PRKCE: variants seen among roughly 807,000 people sequenced by gnomAD.
PRKCE encodes the protein protein kinase C epsilon type.
In PRKCE, 16 loss-of-function variants were observed where a neutral mutation model predicts 85.4. That is an observed-to-expected ratio of 0.19 (90% CI 0.13 to 0.28). The LOEUF (loss-of-function observed/expected upper bound fraction) is 0.28, where lower values mean the gene tolerates loss of function less well. Among genes scored for constraint, PRKCE ranks in the 10% least tolerant of loss-of-function variants. PRKCE has a pLI of 1.00. For missense variants in PRKCE, 573 were observed against 975.2 expected, an observed-to-expected ratio of 0.59 and a Z score of 5.49; for synonymous variants, 388 against 371.5, an observed-to-expected ratio of 1.04 and a Z score of -0.51.
chr2:45,985,024 C>G (rs1703197973), intron 6 of PRKCE, among the ~76,000 whole-genome samples: 1 of 152,066 alleles, frequency 6.6e-6, no homozygotes, highest in Non-Finnish European at 1.5e-5. Context: ...GGAGTTAGGC[C>G]ATGAAGGAAG....
At chr2:46,067,860 A>G (rs1375584922) in intron 10 of PRKCE, among the ~76,000 whole-genome samples, 1 of 152,204 alleles carries the variant, frequency 6.6e-6, no homozygotes, top group Admixed American at 6.5e-5. Flanking sequence ...GTAGGGGTAC[A>G]GTAAAAGTCA....
chr2:45,917,752 C>T (rs956146148), intron 2 of PRKCE, among the ~76,000 whole-genome samples: 2 of 152,294 alleles, frequency 1.3e-5, no homozygotes, highest in Non-Finnish European at 2.9e-5. Context: ...TCCGGCCGCA[C>T]GGGAGCTCAC....
chr2:45,808,100 C>G (rs1688382215), intron 1 of PRKCE, among the ~76,000 whole-genome samples: 1 of 152,120 alleles, frequency 6.6e-6, no homozygotes, highest in African/African-American at 2.4e-5. Context: ...CTCTGACCAT[C>G]TGTAACCCTC....
At chr2:46,056,461 G>A (rs1338356219) in intron 10 of PRKCE, among the ~76,000 whole-genome samples, 2 of 152,088 alleles carry the variant, frequency 1.3e-5, no homozygotes, top group East Asian at 3.8e-4. Flanking sequence ...AGCTGTTCCT[G>A]TCCTATATGT....
At chr2:45,743,905 C>T (rs1682795251) in intron 1 of PRKCE, among the ~76,000 whole-genome samples, 1 of 152,058 alleles carries the variant, frequency 6.6e-6, no homozygotes, top group Non-Finnish European at 1.5e-5. Context: ...ACCTCATCCC[C>T]AGGCCTGGTG....
At chr2:45,734,230 T>C (rs1388881407) in intron 1 of PRKCE, among the ~76,000 whole-genome samples, 1 of 152,148 alleles carries the variant, frequency 6.6e-6, no homozygotes, top group Non-Finnish European at 1.5e-5. Context: ...CTGGGCGTTG[T>C]GGCGTGCACC....
rs368047462 is a variant in PRKCE at position 46,126,699 on chromosome 2, C to G, written c.1593-18394C>G. On this transcript the variant is annotated intron_variant, in intron 11 of 14. Transcript: ENST00000306156. Reference sequence around the variant, plus strand: ...TTGTGTCTCCCCATAGGACCTAACACAGAACCGGGTCTATGGTAAGGGATT... The same window carrying G: ...TTGTGTCTCCCCATAGGACCTAACAGAGAACCGGGTCTATGGTAAGGGATT... 2.1e-3 allele frequency among the ~76,000 whole-genome samples: 313 copies of G among 152,324 alleles called. 1 individual carries two copies. The highest frequency in any genetic ancestry group is 7.0e-3 in the African/African-American group (292 of 41,574).
chr2:45,928,716 A>G (rs931750330), intron 2 of PRKCE, among the ~76,000 whole-genome samples: 2 of 152,232 alleles, frequency 1.3e-5, no homozygotes, highest in Admixed American at 6.5e-5. Flanking sequence ...TGAGGCTGGG[A>G]CAAGCCTTCC....
intron 1 of PRKCE, among the ~76,000 whole-genome samples, chr2:45,824,406 G>C (rs1162303128): frequency 1.3e-5 from 2 of 152,192 alleles, no homozygotes; most frequent in African/African-American, 4.8e-5. Flanking sequence ...AGGAGGACCA[G>C]GGAAGCAGCT....
Position 45,947,314 on chromosome 2 carries a change from G to C in PRKCE, c.413-29115G>C, listed in dbSNP as rs140575483. ...TAGTGATTGCCAGGAGCCAGGGGGT[G>C]GGGGAGAGAGGCAGGCGTGAATGAG... On this transcript the variant is annotated intron_variant, in intron 2 of 14. Coordinates refer to ENST00000306156, the MANE Select transcript of PRKCE (RefSeq NM_005400.3). Among the ~76,000 whole-genome samples, 21 of 152,224 alleles carry C rather than the reference G, an allele frequency of 1.4e-4. No homozygotes were observed. In the East Asian group the frequency reaches 1.5e-3, roughly 11 times the overall value.
At chr2:45,889,981 C>T (rs1247799276) in intron 2 of PRKCE, among the ~76,000 whole-genome samples, 1 of 152,172 alleles carries the variant, frequency 6.6e-6, no homozygotes, top group Non-Finnish European at 1.5e-5. Flanking sequence ...TCCCTGAAAG[C>T]ACTCTAGTAA....
chr2:46,042,570 C>T (rs978086970), intron 10 of PRKCE, among the ~76,000 whole-genome samples: 3 of 152,180 alleles, frequency 2.0e-5, no homozygotes, highest in Admixed American at 6.5e-5. Context: ...AAAGCATGGC[C>T]GAGACCTGCT....
intron 2 of PRKCE, among the ~76,000 whole-genome samples, chr2:45,913,442 G>A (rs908913207): frequency 1.3e-5 from 2 of 152,228 alleles, no homozygotes; most frequent in Non-Finnish European, 2.9e-5. Flanking sequence ...GAGCCACCAT[G>A]CCCAGCCAGC....
Position 45,796,998 on chromosome 2 carries a change from A to G in PRKCE, c.349-46002A>G, listed in dbSNP as rs529334383. 3.9e-5 allele frequency among the ~76,000 whole-genome samples: 6 copies of G among 152,284 alleles called. No homozygotes were observed. In the South Asian group the frequency reaches 1.0e-3, roughly 26 times the overall value. ...ACATCATTGAGGGTTACGTAACTCC[A>G]TTTACTATTTATTTGAGACACAATG... On this transcript the variant is annotated intron_variant, in intron 1 of 14. Coordinates refer to ENST00000306156, the MANE Select transcript of PRKCE (RefSeq NM_005400.3).
intron 11 of PRKCE, among the ~76,000 whole-genome samples, chr2:46,088,432 G>T (rs376457496): frequency 1.3e-5 from 2 of 152,056 alleles, no homozygotes; most frequent in Admixed American, 6.5e-5. Context: ...TGAAGAAATC[G>T]CAATTTGAGA....
At chr2:45,693,641 C>G (rs1276588411) in intron 1 of PRKCE, among the ~76,000 whole-genome samples, 2 of 152,172 alleles carry the variant, frequency 1.3e-5, no homozygotes, top group Non-Finnish European at 2.9e-5. Context: ...GATGTTCTCT[C>G]TGAGAGGCTG....
At chr2:45,759,216 A>C (rs1305422563) in intron 1 of PRKCE, among the ~76,000 whole-genome samples, 3 of 152,344 alleles carry the variant, frequency 2.0e-5, no homozygotes, top group East Asian at 3.9e-4. Flanking sequence ...TGATAAAATG[A>C]CAAATAAGTG....
intron 2 of PRKCE, among the ~76,000 whole-genome samples, chr2:45,885,649 G>C (rs1005770985): frequency 1.3e-5 from 2 of 152,192 alleles, no homozygotes; most frequent in African/African-American, 4.8e-5. Flanking sequence ...TTCTCTGACT[G>C]TTGTTGACAA....
chr2:45,915,064 T>G (rs949134975), intron 2 of PRKCE, among the ~76,000 whole-genome samples: 1 of 152,156 alleles, frequency 6.6e-6, no homozygotes, highest in African/African-American at 2.4e-5. Flanking sequence ...AATCTTTGTA[T>G]TTTTAGTATA....
Sources: allele counts gnomAD v4.1 joint callset (sites outside exome capture counted in the v4.1 genomes callset), GRCh38; gene constraint gnomAD v4.1.1; transcripts MANE v1.5; gene names NCBI Gene and HGNC (gene_info 2026-07-23, HGNC 2026-07-21).